PLG: variants seen among roughly 807,000 people sequenced by gnomAD.
The protein encoded by PLG is plasmin.
PLG carries 41 observed loss-of-function variants against 104.4 expected under a neutral mutation model. That is an observed-to-expected ratio of 0.39 (90% CI 0.31 to 0.51). The LOEUF is 0.51. PLG is among the 20% of genes least tolerant of loss of function. The pLI, the probability that PLG is intolerant of heterozygous loss-of-function variation, is 0.76. For missense variants in PLG, 891 were observed against 1,003.6 expected, an observed-to-expected ratio of 0.89 and a Z score of 1.52; for synonymous variants, 337 against 357.1, an observed-to-expected ratio of 0.94 and a Z score of 0.63.
In PLG at chr6:160,741,424, T is replaced by A. The variant is rs746088368; in HGVS notation, c.2125+7T>A. 6 of 1,526,154 alleles carry A rather than the reference T, an allele frequency of 3.9e-6. No individual in the cohort carries two copies. Among genetic ancestry groups the A allele is most frequent in the Non-Finnish European group, 5.5e-6 (6 of 1,099,712 alleles). 94.5% of individuals were successfully genotyped at this position (1,526,154 alleles called of 1,614,324 possible). A position where few individuals can be genotyped will look rare whatever the true frequency, so the allele number is the denominator to read the frequency against. On this transcript the variant is annotated splice_region_variant and intron_variant, in intron 17 of 18. Transcript: ENST00000308192. The surrounding 1 kb of genome is among the most constrained non-coding windows in gnomAD (Gnocchi z 4.7). ...GGCTGGGGAGAAACCCAAGGTGAGA[T>A]AAATTCCATTGCCCACATAACGAAT...
At chr6:160,706,003 T>C (rs1582929824) in intron 1 of PLG, 1 of 217,742 alleles carries the variant, frequency 4.6e-6, no homozygotes, top group East Asian at 1.2e-4. Flanking sequence ...ATGAAACTGT[T>C]TTTCTTTGTT....
At chr6:160,716,446 CA>C (rs540010452) in intron 6 of PLG, among the ~76,000 whole-genome samples, 198 bp from the exon 7 acceptor site, 3 of 151,690 alleles carry the variant, frequency 2.0e-5, no homozygotes, top group East Asian at 3.9e-4. Flanking sequence ...TAAAAACAAA[CA>C]AAAAAAAGAA....
chr6:160,703,606 C>T (rs1437251424), intron 1 of PLG, among the ~76,000 whole-genome samples: 1 of 152,090 alleles, frequency 6.6e-6, no homozygotes, highest in Non-Finnish European at 1.5e-5. Context: ...ACAAGTTGCA[C>T]TTTAGAGTCA....
intron 17 of PLG, among the ~76,000 whole-genome samples, chr6:160,746,843 G>A (rs1275161484): frequency 2.0e-5 from 3 of 152,160 alleles, no homozygotes; most frequent in Non-Finnish European, 2.9e-5. Flanking sequence ...GTTTCATAGT[G>A]TGGTATGTTA....
chr6:160,715,055 C>A, intron 6 of PLG, 141 bp downstream of exon 6: 1 of 828,204 alleles, frequency 1.2e-6, no homozygotes, highest in Non-Finnish European at 2.0e-6. Flanking sequence ...CCTCCTCCCA[C>A]AATATTGCAA....
intron 17 of PLG, among the ~76,000 whole-genome samples, chr6:160,748,344 A>AATAAAG: frequency 1.4e-5 from 1 of 71,400 alleles, no homozygotes; most frequent in South Asian, 6.5e-4. Flanking sequence ...GAAGGAAGAA[A>AATAAAG]AGAAAGAGAA....
chr6:160,734,083 A>C lies in PLG; in HGVS notation c.1676A>C (p.Gln559Pro), dbSNP rs887194617. ...CTTTACGACTACTGTGATGTCCCTCAGTGTGGTAGGTTGCCTTCTTTTTGG... is the reference window on the plus strand; with the variant it reads ...CTTTACGACTACTGTGATGTCCCTCCGTGTGGTAGGTTGCCTTCTTTTTGG... Reference protein sequence around the residue: ...RKLYDYCDVPQCAAPSFDCGK... With the variant: ...RKLYDYCDVPPCAAPSFDCGK... The change falls in exon 13 of 19, where the codon CAG (glutamine) becomes CCG (proline). Residue 559 changes from glutamine to proline, a missense_variant. By Grantham distance (76) the Gln-to-Pro change is moderately conservative. Coordinates refer to ENST00000308192, the MANE Select transcript of PLG (RefSeq NM_000301.5). This position sits in a 1 kb window ranked among gnomAD's most constrained non-coding sequence, Gnocchi z 4.4. 2 of 1,587,410 alleles carry C rather than the reference A, an allele frequency of 1.3e-6. No individual in the cohort carries two copies. The highest frequency in any genetic ancestry group is 8.6e-7 in the Non-Finnish European group (1 of 1,156,206).
intron 17 of PLG, among the ~76,000 whole-genome samples, chr6:160,747,052 T>C (rs1778288285): frequency 6.6e-6 from 1 of 152,348 alleles, no homozygotes; most frequent in African/African-American, 2.4e-5. Flanking sequence ...TTATTTTTCA[T>C]GTGAAATTAG....
At chr6:160,703,882 G>T (rs1384692317) in intron 1 of PLG, among the ~76,000 whole-genome samples, 2 of 152,226 alleles carry the variant, frequency 1.3e-5, no homozygotes, top group Non-Finnish European at 2.9e-5. Flanking sequence ...CTTTTGGAAA[G>T]CCAGGTTTTC....
chr6:160,739,794 CA>C lies in PLG; in HGVS notation c.2018+596del, dbSNP rs150735059. Among the ~76,000 whole-genome samples the C allele has an allele frequency of 0.1, 14,270 of 141,378 alleles. 1,847 individuals are homozygous for C. The highest frequency in any genetic ancestry group is 0.3 in the African/African-American group (11,720 of 39,094). 92.7% of individuals were successfully genotyped at this position (141,378 alleles called of 152,430 possible). On this transcript the variant is annotated intron_variant, in intron 16 of 18. Coordinates refer to ENST00000308192, the MANE Select transcript of PLG (RefSeq NM_000301.5). The surrounding 1 kb of genome is among the most constrained non-coding windows in gnomAD (Gnocchi z 4.4). ...AAACACCAAAAAAACAAAAAACAAA[CA>C]AAAAAAAAACAACTTCACAATGTCA...
chr6:160,734,405 T>C lies in PLG; in HGVS notation c.1681+317T>C, dbSNP rs142015296. Among the ~76,000 whole-genome samples the C allele has an allele frequency of 1.5e-3, 233 of 152,122 alleles. No individual in the cohort carries two copies. The highest frequency in any genetic ancestry group is 5.0e-3 in the African/African-American group (206 of 41,484). On this transcript the variant is annotated intron_variant, in intron 13 of 18. Transcript: ENST00000308192. The surrounding 1 kb of genome is among the most constrained non-coding windows in gnomAD (Gnocchi z 4.4). Reference sequence around the variant, plus strand: ...TGTCTAGCGTGGGATGCATGAAAAATTTAGAGTCATTCGGATGAAAAACTT... The same window carrying C: ...TGTCTAGCGTGGGATGCATGAAAAACTTAGAGTCATTCGGATGAAAAACTT...
chr6:160,727,376 TA>T (rs145282296), intron 10 of PLG, among the ~76,000 whole-genome samples: 3 of 149,952 alleles, frequency 2.0e-5, no homozygotes, highest in Middle Eastern at 3.5e-3. Flanking sequence ...TGTTATTATT[TA>T]AAAAAAATCC....
At chr6:160,730,308 A>G (rs1777980304) in intron 10 of PLG, among the ~76,000 whole-genome samples, 1 of 152,202 alleles carries the variant, frequency 6.6e-6, no homozygotes. Context: ...TCAGACCTGG[A>G]GTGGCAGTGG....
At chr6:160,702,232 G>A (rs538436952), upstream of PLG, 164 of 1,576,054 alleles carry the variant, frequency 1.0e-4, no homozygotes, top group Non-Finnish European at 1.3e-4. Context: ...TTGTGGATGC[G>A]TTTACTCTCA....
chr6:160,745,924 G>T (rs990851403), intron 17 of PLG, among the ~76,000 whole-genome samples: 1 of 152,026 alleles, frequency 6.6e-6, no homozygotes, highest in African/African-American at 2.4e-5. Context: ...ATTCTTGGGT[G>T]GATATTTTTT....
rs1777927350 is a variant in PLG, at chr6:160,726,668, G to A, written c.1256+4101G>A. Among the ~76,000 whole-genome samples, 1 of 151,882 alleles carries A rather than the reference G, an allele frequency of 6.6e-6. No homozygotes were observed. The highest frequency in any genetic ancestry group is 1.5e-5 in the Non-Finnish European group (1 of 67,846). ...TGGAGTTTTCCAGAGGCTACATAAT[G>A]TTTGATCACATTATCTCTCTGATGG... On this transcript the variant is annotated intron_variant, in intron 10 of 18. Coordinates refer to ENST00000308192, the MANE Select transcript of PLG (RefSeq NM_000301.5). This position sits in a 1 kb window ranked among gnomAD's most constrained non-coding sequence, Gnocchi z 4.4.
rs1778098218 is a variant in PLG, at chr6:160,737,109, T to G, written c.1802+102T>G. ...TCCACACAGCTGAGGCATCAGCACCTGCCTCTAAGTTTTCTGAAGGAGGAA... is the reference window on the plus strand; with the variant it reads ...TCCACACAGCTGAGGCATCAGCACCGGCCTCTAAGTTTTCTGAAGGAGGAA... On this transcript the variant is annotated intron_variant, in intron 14 of 18. Coordinates refer to ENST00000308192, the MANE Select transcript of PLG (RefSeq NM_000301.5). This position sits in a 1 kb window ranked among gnomAD's most constrained non-coding sequence, Gnocchi z 4.7. 4 of 1,444,376 alleles carry G rather than the reference T, an allele frequency of 2.8e-6. No individual in the cohort carries two copies. In the Admixed American group the frequency reaches 8.0e-5, roughly 29 times the overall value. 89.5% of individuals were successfully genotyped at this position (1,444,376 alleles called of 1,614,324 possible). A position where few individuals can be genotyped will look rare whatever the true frequency, so the allele number is the denominator to read the frequency against.
rs71542985 is a variant in PLG, at chr6:160,748,350, GAGAAAGAAAGAA to G, written c.2126-3726_2126-3715del. Reference sequence around the variant, plus strand: ...AGAAGGAAAGAAGGAAGAAAAGAAAGAGAAAGAAAGAAAGAAAGAAAGAAAGAAAGAAAGAAA... The same window carrying G: ...AGAAGGAAAGAAGGAAGAAAAGAAAGAGAAAGAAAGAAAGAAAGAAAGAAA... On this transcript the variant is annotated intron_variant, in intron 17 of 18. Transcript: ENST00000308192. Among the ~76,000 whole-genome samples, 8 of 49,434 alleles carry G rather than the reference GAGAAAGAAAGAA, an allele frequency of 1.6e-4. 2 individuals carry two copies. The highest frequency in any genetic ancestry group is 8.5e-4 in the South Asian group (1 of 1,170). The allele number at this position is 49,434 out of a possible 152,430, so 32.4% of individuals were successfully genotyped here.
intron 17 of PLG, among the ~76,000 whole-genome samples, chr6:160,747,485 G>A (rs75324528): frequency 0.02 from 3,059 of 152,256 alleles, 123 homozygotes; most frequent in African/African-American, 0.07. Flanking sequence ...TTCTGACTTT[G>A]CCACTAGCTA....
Sources: gnomAD v4.1 joint callset for allele counts (sites outside exome capture counted in the v4.1 genomes callset) on GRCh38, gnomAD v4.1.1 for gene constraint, Gnocchi (gnomAD v3.1) non-coding constraint, MANE v1.5 for transcripts, NCBI Gene and HGNC (gene_info 2026-07-23, HGNC 2026-07-21) for gene names.